IFT172: variants seen among roughly 807,000 people sequenced by gnomAD.
IFT172 encodes the protein intraflagellar transport 172.
Under a neutral mutation model 248.9 loss-of-function variants are expected in IFT172, and 164 were observed. That is an observed-to-expected ratio of 0.66 (90% CI 0.58 to 0.75). IFT172 has a LOEUF of 0.75. Ranked by LOEUF, IFT172 falls within the 30% of genes least tolerant of loss-of-function variation. The pLI, the probability that IFT172 is intolerant of heterozygous loss-of-function variation, is 0.00. For synonymous variants in IFT172, 729 were observed against 791.6 expected (o/e 0.92, Z 1.33); for missense variants, 1,950 against 2,192.4 (o/e 0.89, Z 2.21).
intron 1 of IFT172, among the ~76,000 whole-genome samples, chr2:27,488,267 C>T (rs887232707): frequency 6.6e-6 from 1 of 152,206 alleles, no homozygotes; most frequent in Non-Finnish European, 1.5e-5. Flanking sequence ...GATTCTCCTT[C>T]CTCAGCCTCC....
chr2:27,459,401 A>G lies in IFT172; in HGVS notation c.2764T>C (p.Tyr922His). 1.9e-6 allele frequency: 3 copies of G among 1,614,152 alleles called. No homozygotes were observed. Among genetic ancestry groups the G allele is most frequent in the Non-Finnish European group, 2.5e-6 (3 of 1,180,030 alleles). Residue 922 changes from tyrosine to histidine, a missense_variant, in exon 25 of 48, where the codon TAT becomes CAT. Transcript: ENST00000260570. The part of the protein sequence containing the change: ...SKYYPLVAQH[Y>H]ASLQEYEIAE... ...ACCTCATACTCCTGCAGGGATGCAT[A>G]GTGTTGGGCCACGAGAGGATAGTAT...
At chr2:27,444,571 C>G (rs779787513) in intron 47 of IFT172, 50 bp from the exon 48 acceptor site, 45 of 1,437,308 alleles carry the variant, frequency 3.1e-5, no homozygotes, top group Non-Finnish European at 4.3e-5. Context: ...GCTGGAAATA[C>G]AAAATCAGCT....
At chr2:27,478,760 G>C (rs1668144626) in intron 10 of IFT172, among the ~76,000 whole-genome samples, 1 of 152,076 alleles carries the variant, frequency 6.6e-6, no homozygotes, top group African/African-American at 2.4e-5. Context: ...AAGAACAAAA[G>C]AATGAAGAAA....
chr2:27,486,950 T>C (rs1417420474), intron 1 of IFT172, among the ~76,000 whole-genome samples: 1 of 144,074 alleles, frequency 6.9e-6, no homozygotes, highest in Non-Finnish European at 1.5e-5. Flanking sequence ...AATTTCCTTC[T>C]TTTTTTTTTT....
chr2:27,479,672 G>T, intron 9 of IFT172, 68 bp from the exon 10 acceptor site: 1 of 1,030,844 alleles, frequency 9.7e-7, no homozygotes. Context: ...AGTATCTAGA[G>T]ACATCCTCAA....
In IFT172 at chr2:27,462,793, C is replaced by A. The variant is rs1487353722; in HGVS notation, c.2023G>T (p.Gly675Cys). Residue 675 changes from glycine to cysteine, a missense_variant and splice_region_variant, in exon 20 of 48, where the codon GGC becomes TGC. Gly to Cys is a radical substitution (Grantham distance 159). Around this residue, in one of 3 missense-constraint regions of IFT172, gnomAD observed 1,166 missense variants for 1,254.1 expected, o/e 0.93. Coordinates refer to ENST00000260570, the MANE Select transcript of IFT172 (RefSeq NM_015662.3). ...TGATAAAAGTCTGTTCCTTCTCCGC[C>A]CTGTGGGGGAAAAAGGAGGTTCTGA... ...EIADQVSREY[G>C]GEGTDFYQVR... 6.2e-7 allele frequency: 1 copy of A among 1,613,986 alleles called. No individual in the cohort carries two copies. The highest frequency in any genetic ancestry group is 1.1e-5 in the South Asian group (1 of 91,058).
In IFT172 at chr2:27,456,572, C is replaced by CTGCA. The variant is rs1225890568; in HGVS notation, c.3306_3309dup (p.Val1104CysfsTer3). On this transcript the variant is annotated frameshift_variant, in exon 30 of 48. Coordinates refer to ENST00000260570, the MANE Select transcript of IFT172 (RefSeq NM_015662.3). LOFTEE classifies it high-confidence loss of function. The stretch of plus-strand genomic sequence containing the variant: ...AGTCCCAGCTTATTAAGCAGTCTAA[C>CTGCA]TGCAGCCTCTCCTCCCAGGCTCTTT... 6.2e-7 allele frequency: 1 copy of CTGCA among 1,614,200 alleles called. No homozygotes were observed. Among genetic ancestry groups the CTGCA allele is most frequent in the Non-Finnish European group, 8.5e-7 (1 of 1,180,030 alleles).
At position 27,454,100 on chromosome 2, in the gene IFT172, C is replaced by A; in HGVS notation, c.3593G>T (p.Ser1198Ile). Reference protein sequence around the residue: ...QRVAEAHDPDSVAEVLVGQAR... With the variant: ...QRVAEAHDPDIVAEVLVGQAR... ...CTGTCCCACAAGCACCTCGGCGACA[C>A]TGTCAGGGTCGTGAGCCTCAGCCAC... is the stretch of plus-strand genomic sequence containing the variant. Residue 1198 changes from serine to isoleucine, a missense_variant, in exon 33 of 48, where the codon AGT becomes ATT. Ser to Ile is a moderately radical substitution (Grantham distance 142). Around this residue, in one of 3 missense-constraint regions of IFT172, gnomAD observed 620 missense variants for 699.0 expected, o/e 0.89. Coordinates refer to ENST00000260570, the MANE Select transcript of IFT172 (RefSeq NM_015662.3). The surrounding 1 kb of genome is among the most constrained non-coding windows in gnomAD (Gnocchi z 4.2). 6.2e-7 allele frequency: 1 copy of A among 1,614,094 alleles called. No homozygotes were observed. The highest frequency in any genetic ancestry group is 8.5e-7 in the Non-Finnish European group (1 of 1,180,000).
In IFT172 at chr2:27,447,818, G is replaced by A; in HGVS notation, c.4533C>T (p.Phe1511=). ...HSWADLRDVL[F]NLCENLVKSS... The stretch of plus-strand genomic sequence containing the variant: ...AGCCCTTTCGCTTCCTCACCAGGTT[G>A]AAGAGGACATCTCGAAGATCAGCCC... Residue 1511 remains phenylalanine (F), a synonymous_variant, in exon 41 of 48, where the codon TTC becomes TTT. Coordinates refer to ENST00000260570, the MANE Select transcript of IFT172 (RefSeq NM_015662.3). The A allele has an allele frequency of 6.2e-7, 1 of 1,611,340 alleles. No homozygotes were observed. Among genetic ancestry groups the A allele is most frequent in the Non-Finnish European group, 8.5e-7 (1 of 1,177,368 alleles).
chr2:27,459,010 G>A, intron 25 of IFT172, 142 bp from the exon 26 acceptor site: 7 of 792,642 alleles, frequency 8.8e-6, no homozygotes, highest in African/African-American at 1.7e-5. Flanking sequence ...GATGAGTATG[G>A]GTGTCTCATA....
In IFT172 at chr2:27,479,051, A is replaced by T. The variant is rs961348970; in HGVS notation, c.1005+458T>A. Among the ~76,000 whole-genome samples the T allele has an allele frequency of 2.0e-5, 3 of 152,072 alleles. 1 individual carries two copies. The South Asian group carries it at 6.2e-4, about 32-fold the overall frequency. ...ACAGAGTCTTGCTCTGTCACCCAGG[A>T]TGGAGTGCAGTGGTGCAATCTCAGC... On this transcript the variant is annotated intron_variant, in intron 10 of 47. Coordinates refer to ENST00000260570, the MANE Select transcript of IFT172 (RefSeq NM_015662.3).
chr2:27,452,379 C>T (rs556896055), intron 35 of IFT172, among the ~76,000 whole-genome samples: 10 of 152,334 alleles, frequency 6.6e-5, no homozygotes, highest in African/African-American at 2.4e-4. Context: ...AGTTTGCCAG[C>T]TCACCTGCAG....
chr2:27,483,264 C>A (rs772373136), intron 7 of IFT172, 25 bp downstream of exon 7: 1 of 1,343,492 alleles, frequency 7.4e-7, no homozygotes, highest in South Asian at 1.2e-5. Context: ...CAATCCAAGC[C>A]TCCCACAACA....
chr2:27,481,355 T>C lies in IFT172; in HGVS notation c.571-95A>G, dbSNP rs149523349. 9.2e-5 allele frequency: 82 copies of C among 890,926 alleles called. No individual in the cohort carries two copies. The African/African-American group carries it at 1.2e-3, about 13-fold the overall frequency. 55.2% of individuals were successfully genotyped at this position (890,926 alleles called of 1,614,324 possible). On this transcript the variant is annotated intron_variant, in intron 7 of 47. Transcript: ENST00000260570. ...CCTGGTACATTCACTCTGACCATCA[T>C]ACCCTGCAGAAATCTCTTCCAACAT...
At position 27,458,812 on chromosome 2, in the gene IFT172, G is replaced by A; in HGVS notation, c.2844C>T (p.Tyr948=). 1 of 1,614,192 alleles carries A rather than the reference G, an allele frequency of 6.2e-7. No individual in the cohort carries two copies. The highest frequency in any genetic ancestry group is 8.5e-7 in the Non-Finnish European group (1 of 1,180,020). ...GDRTKDAIDM[Y]TQAGRWEQAH... Reference sequence around the variant, plus strand: ...CTTGTTCCCAACGACCAGCCTGGGTGTACATGTCTATGGCATCTTTTGTCC... The same window carrying A: ...CTTGTTCCCAACGACCAGCCTGGGTATACATGTCTATGGCATCTTTTGTCC... Residue 948 remains tyrosine, a synonymous_variant, in exon 26 of 48, where the codon TAC becomes TAT. Transcript: ENST00000260570.
At chr2:27,455,287 T>C in intron 30 of IFT172, 1 of 341,580 alleles carries the variant, frequency 2.9e-6, no homozygotes. Flanking sequence ...TGCTGAAGTA[T>C]GGTAAATTGG....
chr2:27,480,088 T>C lies in IFT172; in HGVS notation c.847A>G (p.Ile283Val). The change falls in exon 9 of 48, where the codon ATT becomes GTT. Residue 283 changes from isoleucine to valine, a missense_variant. By Grantham distance (29) the Ile-to-Val change is conservative. Transcript: ENST00000260570. ...GCAGTGATGGTGTATAAATTGGTAA[T>C]CTCCTTGGGCTTTGCCTCTTCCCAG... ...SIWEEAKPKE[I>V]TNLYTITALA... is the part of the protein sequence containing the mutation. The C allele has an allele frequency of 6.2e-7, 1 of 1,614,026 alleles. No individual in the cohort carries two copies. Among genetic ancestry groups the C allele is most frequent in the Non-Finnish European group, 8.5e-7 (1 of 1,179,940 alleles).
Position 27,465,832 on chromosome 2 carries a change from C to G in IFT172, c.1743G>C (p.Val581=), listed in dbSNP as rs151059924. 1 of 1,613,994 alleles carries G rather than the reference C, an allele frequency of 6.2e-7. No individual in the cohort carries two copies. Among genetic ancestry groups the G allele is most frequent in the African/African-American group, 1.3e-5 (1 of 74,902 alleles). ...AGGCAACAGTAGTCACACCTTCCAT[C>G]ACCATCACCTCGGTCTTTCCCCCGC... ...ERGGGKTEVM[V]MEGVTTVAYT... Residue 581 remains valine (V), a synonymous_variant, in exon 17 of 48, where the codon GTG becomes GTC. Coordinates refer to ENST00000260570, the MANE Select transcript of IFT172 (RefSeq NM_015662.3).
Position 27,478,009 on chromosome 2 carries a change from T to C in IFT172, c.1153A>G (p.Asn385Asp). The C allele has an allele frequency of 6.2e-7, 1 of 1,614,150 alleles. No individual in the cohort carries two copies. The highest frequency in any genetic ancestry group is 8.5e-7 in the Non-Finnish European group (1 of 1,180,022). The change falls in exon 11 of 48, where the codon AAT becomes GAT. Residue 385 changes from asparagine to aspartate, a missense_variant. Around this residue, in one of 3 missense-constraint regions of IFT172, gnomAD observed 1,166 missense variants for 1,254.1 expected, o/e 0.93. Transcript: ENST00000260570. ...ETLLLGDLNT[N>D]RLSEIAWQGS... is the part of the protein sequence containing the mutation. Reference sequence around the variant, plus strand: ...TTGGTTCCTACCTCACTAAGCCGATTAGTGTTCAGGTCCCCCAGCAGCAGT... The same window carrying C: ...TTGGTTCCTACCTCACTAAGCCGATCAGTGTTCAGGTCCCCCAGCAGCAGT...
Sources: allele counts gnomAD v4.1 joint callset (sites outside exome capture counted in the v4.1 genomes callset), GRCh38; gene constraint gnomAD v4.1.1; regional missense constraint gnomAD v4.1.1; non-coding constraint Gnocchi (gnomAD v3.1); transcripts MANE v1.5; gene names NCBI Gene and HGNC (gene_info 2026-07-23, HGNC 2026-07-21).